The following NCOA3 variants were observed in gnomAD, a reference collection of about 807,000 sequenced individuals.
NCOA3 encodes the protein nuclear receptor coactivator 3, also known as CBP-interacting protein.
Under a neutral mutation model 158.8 loss-of-function variants are expected in NCOA3, and 51 were observed. The observed-to-expected ratio is 0.32, with a 90% CI of 0.26 to 0.41. NCOA3 has a LOEUF of 0.41. Among genes scored for constraint, NCOA3 ranks in the 10% least tolerant of loss-of-function variants. The pLI, the probability that NCOA3 is intolerant of heterozygous loss-of-function variation, is 1.00. For synonymous variants in NCOA3, 537 were observed against 592.4 expected (o/e 0.91, Z 1.36); for missense variants, 1,510 against 1,746.6 (o/e 0.86, Z 2.41).
intron 2 of NCOA3, among the ~76,000 whole-genome samples, chr20:47,593,275 C>G (rs906034435): frequency 1.8e-4 from 26 of 146,644 alleles, no homozygotes; most frequent in Non-Finnish European, 3.6e-4. Context: ...TCCCAGACTG[C>G]GGTATCATTC....
intron 1 of NCOA3, among the ~76,000 whole-genome samples, chr20:47,504,288 C>T (rs1041980057): frequency 3.3e-5 from 5 of 152,014 alleles, no homozygotes; most frequent in Admixed American, 2.6e-4. Context: ...AAAAGTGCCA[C>T]GCACCTCCCG....
At chr20:47,524,249 C>T (rs2084390210) in intron 1 of NCOA3, among the ~76,000 whole-genome samples, 1 of 151,678 alleles carries the variant, frequency 6.6e-6, no homozygotes, top group Non-Finnish European at 1.5e-5. Context: ...GAATTACTGC[C>T]TGCCGTGATT....
intron 1 of NCOA3, among the ~76,000 whole-genome samples, chr20:47,529,881 C>A (rs546216557): frequency 1.4e-3 from 209 of 152,304 alleles, no homozygotes; most frequent in Admixed American, 2.4e-3. Flanking sequence ...TTTAAAAAAA[C>A]TTAATTTCTG....
intron 2 of NCOA3, among the ~76,000 whole-genome samples, chr20:47,621,800 C>T (rs528194679): frequency 5.4e-4 from 82 of 151,930 alleles, no homozygotes; most frequent in Non-Finnish European, 9.9e-4. Context: ...ATTACAGGCA[C>T]CTGCCACCAT....
intron 1 of NCOA3, among the ~76,000 whole-genome samples, chr20:47,581,714 A>C (rs1314382255): frequency 6.6e-6 from 1 of 152,240 alleles, no homozygotes. Flanking sequence ...CATAAGGTAA[A>C]GTGAATGTTC....
rs2086150509 is a variant in NCOA3 at position 47,617,012 on chromosome 20, T to A, written c.-19-5217T>A. 2.6e-5 allele frequency among the ~76,000 whole-genome samples: 4 copies of A among 152,192 alleles called. No individual in the cohort carries two copies. The South Asian group carries it at 8.3e-4, about 32-fold the overall frequency. On this transcript the variant is annotated intron_variant, in intron 2 of 22. Coordinates refer to ENST00000371998, the MANE Select transcript of NCOA3 (RefSeq NM_181659.3). ...CTCTGTCATCCAGGCTGGAGTGCAG[T>A]GGCGCGGTCTTGGCTCACTGGCAAC...
In NCOA3 at chr20:47,653,936, T is replaced by A. The variant is rs552306036; in HGVS notation, c.*519T>A. 1 of 154,452 alleles carries A rather than the reference T, an allele frequency of 6.5e-6. No individual in the cohort carries two copies. Among genetic ancestry groups the A allele is most frequent in the East Asian group, 1.9e-4 (1 of 5,236 alleles). 9.6% of individuals were successfully genotyped at this position (154,452 alleles called of 1,614,324 possible). A position where few individuals can be genotyped will look rare whatever the true frequency, so the allele number is the denominator to read the frequency against. ...ATTCTGAATTGTCCTTTACTAATGG[T>A]GTTGAGTTGCTCTGTCCCTATTATT... is the stretch of plus-strand genomic sequence containing the variant. On this transcript the variant is annotated 3_prime_UTR_variant, in exon 23 of 23. Coordinates refer to ENST00000371998, the MANE Select transcript of NCOA3 (RefSeq NM_181659.3).
chr20:47,582,058 C>T (rs149227626), intron 1 of NCOA3, among the ~76,000 whole-genome samples: 3 of 151,968 alleles, frequency 2.0e-5, no homozygotes, highest in African/African-American at 7.3e-5. Flanking sequence ...AAATGAATAC[C>T]CCCACAAGTT....
intron 1 of NCOA3, among the ~76,000 whole-genome samples, chr20:47,563,025 C>T (rs565180736): frequency 5.0e-4 from 76 of 152,312 alleles, no homozygotes; most frequent in African/African-American, 1.5e-3. Context: ...GGATTACAGG[C>T]GTGAGCCAAC....
chr20:47,587,027 G>A (rs898122643), intron 2 of NCOA3, among the ~76,000 whole-genome samples: 1 of 152,090 alleles, frequency 6.6e-6, no homozygotes, highest in Non-Finnish European at 1.5e-5. Context: ...TCTTTTCACG[G>A]TTTCTTCTAG....
chr20:47,596,330 G>A lies in NCOA3; in HGVS notation c.-20+13069G>A, dbSNP rs146156912. On this transcript the variant is annotated intron_variant, in intron 2 of 22. Coordinates refer to ENST00000371998, the MANE Select transcript of NCOA3 (RefSeq NM_181659.3). ...TTTCTAAATTGTAAGATCCAACCAT[G>A]TTGTGTATAATTCATTTTTACCATC... 2.3e-3 allele frequency among the ~76,000 whole-genome samples: 346 copies of A among 152,232 alleles called. 1 individual carries two copies. Among genetic ancestry groups the A allele is most frequent in the African/African-American group, 8.1e-3 (336 of 41,542 alleles).
At chr20:47,629,868 A>G (rs1207086569) in intron 8 of NCOA3, among the ~76,000 whole-genome samples, 1 of 152,250 alleles carries the variant, frequency 6.6e-6, no homozygotes, top group African/African-American at 2.4e-5. Flanking sequence ...TTATCTCATC[A>G]GTATATAAAA....
At chr20:47,642,478 GTC>G (rs2086626950) in intron 17 of NCOA3, 94 bp downstream of exon 17, 7 of 791,362 alleles carry the variant, frequency 8.8e-6, no homozygotes, top group Non-Finnish European at 1.1e-5. Flanking sequence ...GCCTGTGTGT[GTC>G]TCTCCTAGTA....
At chr20:47,594,984 A>G (rs1388310976) in intron 2 of NCOA3, among the ~76,000 whole-genome samples, 1 of 147,630 alleles carries the variant, frequency 6.8e-6, no homozygotes, top group Non-Finnish European at 1.5e-5. Context: ...TAGAGATGGA[A>G]TTTTGCCACG....
chr20:47,511,346 C>G (rs1229718504), intron 1 of NCOA3, among the ~76,000 whole-genome samples: 1 of 145,364 alleles, frequency 6.9e-6, no homozygotes, highest in Admixed American at 6.9e-5. Flanking sequence ...CACCAGGGCT[C>G]AAGCGGTTTT....
chr20:47,532,478 A>G (rs2084562653), intron 1 of NCOA3, among the ~76,000 whole-genome samples: 1 of 152,174 alleles, frequency 6.6e-6, no homozygotes, highest in Non-Finnish European at 1.5e-5. Flanking sequence ...TTTAAAAAAT[A>G]GCATAATAGC....
At chr20:47,633,875 A>G in intron 9 of NCOA3, 173 bp from the exon 10 acceptor site, 1 of 867,564 alleles carries the variant, frequency 1.2e-6, no homozygotes, top group Non-Finnish European at 1.7e-6. Context: ...GGTGAGGGGT[A>G]GGAAAATGAT....
intron 1 of NCOA3, among the ~76,000 whole-genome samples, chr20:47,513,443 T>A (rs2146060089): frequency 6.6e-6 from 1 of 152,136 alleles, no homozygotes; most frequent in Non-Finnish European, 1.5e-5. Flanking sequence ...AAGCAACTAT[T>A]AGCCGGGCGA....
intron 1 of NCOA3, among the ~76,000 whole-genome samples, chr20:47,569,429 C>A (rs1245510379): frequency 6.6e-6 from 1 of 152,126 alleles, no homozygotes; most frequent in Non-Finnish European, 1.5e-5. Flanking sequence ...CCTGTAATCC[C>A]AGCACTTGGG....
Sources: gnomAD v4.1 joint callset for allele counts (sites outside exome capture counted in the v4.1 genomes callset) on GRCh38, gnomAD v4.1.1 for gene constraint, MANE v1.5 for transcripts, NCBI Gene and HGNC (gene_info 2026-07-23, HGNC 2026-07-21) for gene names.